The following ARB2A variants were observed in gnomAD, a reference collection of about 807,000 sequenced individuals.
ARB2A encodes ARB2 cotranscriptional regulator A.
chr5:93,851,774 G>C, the ARB2A span, among the ~76,000 whole-genome samples: 3 of 152,044 alleles, frequency 2.0e-5, no homozygotes, highest in Non-Finnish European at 4.4e-5. Flanking sequence ...CCCTACAAAG[G>C]ACATGAACTC....
chr5:93,835,753 A>C, the ARB2A span, among the ~76,000 whole-genome samples: 1 of 152,062 alleles, frequency 6.6e-6, no homozygotes, highest in Admixed American at 6.6e-5. Context: ...CACACTTCAC[A>C]CTCTACCAGC....
chr5:93,831,499 G>A, the ARB2A span, among the ~76,000 whole-genome samples: 1 of 152,102 alleles, frequency 6.6e-6, no homozygotes, highest in African/African-American at 2.4e-5. Flanking sequence ...ATGCAACTCA[G>A]TCTGGGATGA....
the ARB2A span, among the ~76,000 whole-genome samples, chr5:93,822,793 A>G: frequency 6.6e-6 from 1 of 152,102 alleles, no homozygotes; most frequent in Non-Finnish European, 1.5e-5. Context: ...AATTCAGCAT[A>G]GTTAAAATTA....
chr5:93,899,459 T>C, the ARB2A span, among the ~76,000 whole-genome samples: 1 of 152,034 alleles, frequency 6.6e-6, no homozygotes, highest in Non-Finnish European at 1.5e-5. Context: ...GGTTTAGGCT[T>C]AAAAAAAATT....
chr5:93,642,448 T>C, the ARB2A span, among the ~76,000 whole-genome samples: 1 of 152,172 alleles, frequency 6.6e-6, no homozygotes, highest in Non-Finnish European at 1.5e-5. Context: ...CTCAGCTTAC[T>C]GCAACCTCTG....
At chr5:93,733,264 G>C in the ARB2A span, 2 of 148,954 alleles carry the variant, frequency 1.3e-5, no homozygotes, top group Non-Finnish European at 3.0e-5. Flanking sequence ...CCAGGGGCAT[G>C]ATCTTGGCTC....
chr5:93,800,360 G>T, the ARB2A span, among the ~76,000 whole-genome samples: 1 of 148,612 alleles, frequency 6.7e-6, no homozygotes, highest in East Asian at 2.0e-4. Context: ...TAAAAATAGG[G>T]CATGATTTAA....
chr5:93,808,047 T>A, the ARB2A span, among the ~76,000 whole-genome samples: 39 of 151,976 alleles, frequency 2.6e-4, 1 homozygote, highest in Admixed American at 2.6e-3. Flanking sequence ...CAGGGCCTTA[T>A]GCAAATAGAA....
the ARB2A span, among the ~76,000 whole-genome samples, chr5:93,632,157 G>A: frequency 5.9e-5 from 9 of 152,154 alleles, no homozygotes; most frequent in African/African-American, 1.7e-4. Context: ...ACCAATGAAC[G>A]TGCAAACTTC....
At chr5:93,641,199 CAAA>C in the ARB2A span, among the ~76,000 whole-genome samples, 2 of 100,966 alleles carry the variant, frequency 2.0e-5, no homozygotes. Context: ...GATTCTGACT[CAAA>C]AAAAAAAAAA....
the ARB2A span, among the ~76,000 whole-genome samples, chr5:94,027,791 C>T: frequency 1.3e-5 from 2 of 152,120 alleles, no homozygotes; most frequent in African/African-American, 2.4e-5. Context: ...TTAAACCCAA[C>T]GAGGGGGTTC....
At chr5:93,641,913 T>A in the ARB2A span, among the ~76,000 whole-genome samples, 2 of 152,166 alleles carry the variant, frequency 1.3e-5, no homozygotes, top group Non-Finnish European at 2.9e-5. Context: ...GGTGGAGATG[T>A]GGTAAGGACT....
the ARB2A span, among the ~76,000 whole-genome samples, chr5:93,733,005 C>T: frequency 4.6e-5 from 7 of 151,966 alleles, no homozygotes; most frequent in South Asian, 2.1e-4. Context: ...CAACAATTAA[C>T]TCTGAACTTT....
the ARB2A span, among the ~76,000 whole-genome samples, chr5:93,783,948 A>G: frequency 1.3e-5 from 2 of 152,164 alleles, no homozygotes. Context: ...GGATGTAGTC[A>G]GCCAATCCAT....
the ARB2A span, among the ~76,000 whole-genome samples, chr5:93,746,356 A>G: frequency 6.6e-6 from 1 of 152,232 alleles, no homozygotes; most frequent in African/African-American, 2.4e-5. Context: ...ATAACAGAGG[A>G]CAAGAACATG....
chr5:93,696,760 C>A, the ARB2A span, among the ~76,000 whole-genome samples: 2 of 152,026 alleles, frequency 1.3e-5, no homozygotes, highest in African/African-American at 4.8e-5. Flanking sequence ...ACATTACTGT[C>A]TTTTTTAAAA....
At chr5:94,066,278 TGAAGA>T in the ARB2A span, among the ~76,000 whole-genome samples, 3 of 151,304 alleles carry the variant, frequency 2.0e-5, no homozygotes, top group African/African-American at 7.3e-5. Context: ...TGCACCTCAA[TGAAGA>T]GAAGAAAAAA....
At chr5:93,827,737 G>A in the ARB2A span, among the ~76,000 whole-genome samples, 171 of 151,454 alleles carry the variant, frequency 1.1e-3, 1 homozygote, top group African/African-American at 3.9e-3. Context: ...TAGGTCTAAC[G>A]TTTAAGTCTT....
chr5:93,968,119 A>T, the ARB2A span, among the ~76,000 whole-genome samples: 1 of 152,170 alleles, frequency 6.6e-6, no homozygotes, highest in Non-Finnish European at 1.5e-5. Flanking sequence ...TATTTACTTC[A>T]GTTCCTTTTA....
Sources: gnomAD v4.1 joint callset for allele counts (sites outside exome capture counted in the v4.1 genomes callset) on GRCh38, gnomAD v4.1.1 for gene constraint, MANE v1.5 for transcripts, NCBI Gene and HGNC (gene_info 2026-07-23, HGNC 2026-07-21) for gene names.